Variants in OPRM1 observed in about 807,000 individuals in gnomAD.
OPRM1 encodes the protein mu-type opioid receptor.
A neutral mutation model predicts 31.8 loss-of-function variants in OPRM1; 27 were observed. That is an observed-to-expected ratio of 0.85 (90% CI 0.63 to 1.17). The LOEUF (loss-of-function observed/expected upper bound fraction) is 1.17, where lower values mean the gene tolerates loss of function less well. Among genes scored for constraint, OPRM1 ranks in the 50% most tolerant of loss-of-function variants. The pLI is 0.00. For missense variants in OPRM1, 536 were observed against 511.1 expected, an observed-to-expected ratio of 1.05 and a Z score of -0.47; for synonymous variants, 196 against 189.9, an observed-to-expected ratio of 1.03 and a Z score of -0.26.
At chr6:154,043,311 T>C (rs533562241) in intron 1 of OPRM1, among the ~76,000 whole-genome samples, 5 of 152,266 alleles carry the variant, frequency 3.3e-5, no homozygotes, top group African/African-American at 9.6e-5. Flanking sequence ...CAAGATGTTA[T>C]TGTCATTTCT....
chr6:154,192,966 C>G (rs1802057841), intron 3 of OPRM1, among the ~76,000 whole-genome samples: 1 of 152,138 alleles, frequency 6.6e-6, no homozygotes, highest in African/African-American at 2.4e-5. Flanking sequence ...GTGGCGATTC[C>G]TTAAAGAACT....
intron 1 of OPRM1, among the ~76,000 whole-genome samples, chr6:154,019,680 T>C (rs1407829674): frequency 6.6e-6 from 1 of 152,058 alleles, no homozygotes; most frequent in African/African-American, 2.4e-5. Flanking sequence ...TCATTTCACT[T>C]AGAAATGTGA....
At chr6:154,083,362 T>C (rs566231916) in intron 1 of OPRM1, 1 of 152,190 alleles carries the variant, frequency 6.6e-6, no homozygotes, top group African/African-American at 2.4e-5. Context: ...GGTAACACAA[T>C]AGAAATGTAT....
chr6:154,129,189 A>C lies in OPRM1; in HGVS notation c.*10468A>C, dbSNP rs1562497871. 6.6e-6 allele frequency among the ~76,000 whole-genome samples: 1 copy of C among 152,208 alleles called. No individual in the cohort carries two copies. Among genetic ancestry groups the C allele is most frequent in the Non-Finnish European group, 1.5e-5 (1 of 68,030 alleles). ...ATTTCACATGAAAGGGTCGTGATTG[A>C]TTTGAGCAAGCAAGGGGTATGTGAC... On this transcript the variant is annotated 3_prime_UTR_variant, in exon 4 of 4. Transcript: ENST00000330432.
In OPRM1 at chr6:154,128,964, A is replaced by G. The variant is rs1797739903; in HGVS notation, c.*10243A>G. 1.3e-5 allele frequency among the ~76,000 whole-genome samples: 2 copies of G among 152,172 alleles called. No homozygotes were observed. Among genetic ancestry groups the G allele is most frequent in the South Asian group, 4.1e-4 (2 of 4,828 alleles). Reference sequence around the variant, plus strand: ...ATGTCAAAAGAGAATAGGAGTTTTAACTTATATCTGTGTTTTATTAATATT... The same window carrying G: ...ATGTCAAAAGAGAATAGGAGTTTTAGCTTATATCTGTGTTTTATTAATATT... On this transcript the variant is annotated 3_prime_UTR_variant, in exon 4 of 4. Transcript: ENST00000330432.
rs3070836 is a variant in OPRM1, at chr6:154,127,106, CA to C, written c.*8399del. Reference sequence around the variant, plus strand: ...CCTGGGCAACAGAATGAGATTGTCTCAAAAAAAAAAAAAAGTGCCACATGCC... The same window carrying C: ...CCTGGGCAACAGAATGAGATTGTCTCAAAAAAAAAAAAAGTGCCACATGCC... On this transcript the variant is annotated 3_prime_UTR_variant, in exon 4 of 4. Coordinates refer to ENST00000330432, the MANE Select transcript of OPRM1 (RefSeq NM_000914.5). Among the ~76,000 whole-genome samples the C allele has an allele frequency of 0.24, 34,962 of 144,872 alleles. 4,253 individuals are homozygous for C. Among genetic ancestry groups the C allele is most frequent in the African/African-American group, 0.28 (10,898 of 39,286 alleles).
chr6:154,206,447 T>C (rs1210045369), intron 3 of OPRM1, among the ~76,000 whole-genome samples: 2 of 152,216 alleles, frequency 1.3e-5, no homozygotes, highest in South Asian at 2.1e-4. Flanking sequence ...GTCCATTAAA[T>C]GTTTATTTAG....
At chr6:154,199,866 G>A (rs753576461) in intron 3 of OPRM1, 3 of 1,614,056 alleles carry the variant, frequency 1.9e-6, no homozygotes, top group African/African-American at 2.7e-5. Flanking sequence ...AACGTTATTG[G>A]TTGTCCCTCA....
intron 3 of OPRM1, among the ~76,000 whole-genome samples, chr6:154,107,054 C>T (rs1185796602): frequency 1.3e-5 from 2 of 152,110 alleles, no homozygotes; most frequent in Non-Finnish European, 2.9e-5. Context: ...TAATCAGAGC[C>T]CTTTTACATA....
chr6:154,010,635 T>A lies in OPRM1; in HGVS notation c.-384T>A, dbSNP rs115788842. 0.022 allele frequency: 32,440 copies of A among 1,498,774 alleles called. 1,057 individuals are homozygous for A. The highest frequency in any genetic ancestry group is 0.17 in the Admixed American group (7,602 of 45,076). The allele number at this position is 1,498,774 out of a possible 1,614,324, so 92.8% of individuals were successfully genotyped here. ...CACAATATTGTATGCCTGCACTAAGTTTGCATCCTGAAAACTCACTGGAAG... is the reference window on the plus strand; with the variant it reads ...CACAATATTGTATGCCTGCACTAAGATTGCATCCTGAAAACTCACTGGAAG... On this transcript the variant is annotated 5_prime_UTR_variant, in exon 1 of 6. Coordinates refer to the OPRM1 transcript ENST00000434900.
In OPRM1 at chr6:154,125,709, A is replaced by G. The variant is rs192767032; in HGVS notation, c.*6988A>G. 1.1e-3 allele frequency among the ~76,000 whole-genome samples: 164 copies of G among 152,298 alleles called. No individual in the cohort carries two copies. Among genetic ancestry groups the G allele is most frequent in the Non-Finnish European group, 1.7e-3 (119 of 68,030 alleles). ...CAGGCTATCACATCCCATTTGCTTT[A>G]AAGTCTCTTAAACTTACGCTCTTTC... On this transcript the variant is annotated 3_prime_UTR_variant, in exon 4 of 4. Coordinates refer to ENST00000330432, the MANE Select transcript of OPRM1 (RefSeq NM_000914.5).
intron 1 of OPRM1, among the ~76,000 whole-genome samples, chr6:154,058,207 A>T (rs1033753921): frequency 2.4e-4 from 37 of 152,022 alleles, no homozygotes; most frequent in African/African-American, 8.9e-4. Context: ...ATGCATCTTT[A>T]AAAAAAATTG....
chr6:154,192,318 C>CTGTGTGTGTGTGTGTGTGTGTGTGTG (rs56231733), intron 3 of OPRM1, among the ~76,000 whole-genome samples: 1 of 148,030 alleles, frequency 6.8e-6, no homozygotes, highest in African/African-American at 2.5e-5. Context: ...CACGTGGTTA[C>CTGTGTGTGTGTGTGTGTGTGTGTGTG]TGTGTGTGTG....
intron 3 of OPRM1, among the ~76,000 whole-genome samples, chr6:154,205,355 G>A (rs1471282152): frequency 1.3e-5 from 2 of 152,124 alleles, no homozygotes; most frequent in South Asian, 2.1e-4. Context: ...AGCACTTTGG[G>A]AGGCCAAAAC....
intron 3 of OPRM1, among the ~76,000 whole-genome samples, chr6:154,118,364 T>TA (rs1033943267): frequency 1.3e-5 from 2 of 151,794 alleles, no homozygotes; most frequent in Admixed American, 6.6e-5. Context: ...AGGAAGAGGG[T>TA]AAAAAAAGGG....
chr6:154,092,016 G>A (rs1792367678), intron 3 of OPRM1: 1 of 753,654 alleles, frequency 1.3e-6, no homozygotes, highest in Non-Finnish European at 1.6e-6. Context: ...CTATTGGTTT[G>A]CTACCTGAAC....
At chr6:154,233,340 A>G (rs1779868839) in intron 3 of OPRM1, among the ~76,000 whole-genome samples, 1 of 152,166 alleles carries the variant, frequency 6.6e-6, no homozygotes, top group Non-Finnish European at 1.5e-5. Flanking sequence ...AATGGTTATA[A>G]AAACATTTTA....
chr6:154,119,423 G>A lies in OPRM1; in HGVS notation c.*702G>A. 5 of 985,286 alleles carry A rather than the reference G, an allele frequency of 5.1e-6. No homozygotes were observed. In the South Asian group the frequency reaches 1.9e-4, roughly 37 times the overall value. The allele number at this position is 985,286 out of a possible 1,614,324, so 61.0% of individuals were successfully genotyped here. On this transcript the variant is annotated 3_prime_UTR_variant, in exon 4 of 4. Coordinates refer to ENST00000330432, the MANE Select transcript of OPRM1 (RefSeq NM_000914.5). ...AATACTTCCAAAGAGTCATCATGGGGGATTTTTCATTCTTAGGCTTTCAGT... is the reference window on the plus strand; with the variant it reads ...AATACTTCCAAAGAGTCATCATGGGAGATTTTTCATTCTTAGGCTTTCAGT...
intron 3 of OPRM1, among the ~76,000 whole-genome samples, chr6:154,186,019 T>C (rs917664025): frequency 3.3e-5 from 5 of 152,242 alleles, no homozygotes; most frequent in African/African-American, 7.2e-5. Flanking sequence ...CTATCAATAT[T>C]GGGGCACCCC....
Sources: allele counts gnomAD v4.1 joint callset (sites outside exome capture counted in the v4.1 genomes callset), GRCh38; gene constraint gnomAD v4.1.1; transcripts MANE v1.5; gene names NCBI Gene and HGNC (gene_info 2026-07-23, HGNC 2026-07-21).